The following PLXNA4 variants were observed in gnomAD, a reference collection of about 807,000 sequenced individuals.
The protein encoded by PLXNA4 is plexin A4, also known as plexin-A4.
In PLXNA4, 44 loss-of-function variants were observed where a neutral mutation model predicts 191.8. The ratio of observed to expected loss-of-function variants is 0.23; its 90% CI spans 0.18 to 0.29. The LOEUF is 0.29. Ranked by LOEUF, PLXNA4 falls within the 10% of genes least tolerant of loss-of-function variation. The probability of loss-of-function intolerance (pLI) is 1.00; values close to 1 mark genes in which losing one functional copy is unlikely to be tolerated. For synonymous variants in PLXNA4, 1,082 were observed against 1,009.5 expected, an observed-to-expected ratio of 1.07 and a Z score of -1.36; for missense variants, 1,800 against 2,488.8, an observed-to-expected ratio of 0.72 and a Z score of 5.89.
chr7:132,266,285 T>G (rs1187312914), intron 4 of PLXNA4: 1 of 152,230 alleles, frequency 6.6e-6, no homozygotes, highest in Non-Finnish European at 1.5e-5. Context: ...AAAGACTGTG[T>G]GCATTTGAAA....
intron 20 of PLXNA4, among the ~76,000 whole-genome samples, chr7:132,175,812 C>A (rs577872034): frequency 6.6e-6 from 1 of 152,244 alleles, no homozygotes. Context: ...CACACATATA[C>A]GTGCATGCAT....
Position 132,179,652 on chromosome 7 carries a change from A to C in PLXNA4, c.3874+35T>G, listed in dbSNP as rs753603804. 6 of 1,601,032 alleles carry C rather than the reference A, an allele frequency of 3.7e-6. No homozygotes were observed. The South Asian group carries it at 6.6e-5, about 18-fold the overall frequency. ...TGCACACACATATGCACACACGCAC[A>C]CACACATGGCCTCCAGCATGGGGCC... On this transcript the variant is annotated intron_variant, in intron 20 of 31. Coordinates refer to ENST00000321063, the MANE Select transcript of PLXNA4 (RefSeq NM_020911.2).
intron 25 of PLXNA4, 84 bp downstream of exon 25, chr7:132,159,389 C>T (rs1795883078): frequency 2.6e-6 from 4 of 1,567,530 alleles, no homozygotes; most frequent in South Asian, 1.2e-5. Context: ...ATCTCTACCC[C>T]AGCCCTGCCT....
chr7:132,226,363 G>T (rs73155298), intron 7 of PLXNA4, 103 bp from the exon 8 acceptor site: 39,545 of 972,362 alleles, frequency 0.041, 1,041 homozygotes, highest in African/African-American at 0.11. Flanking sequence ...CTCCCCAGGC[G>T]GCTGTTGGCT....
In PLXNA4 at chr7:132,302,260, T is replaced by C. The variant is rs115211247; in HGVS notation, c.1372-4038A>G. The stretch of plus-strand genomic sequence containing the variant: ...AAATGTGCAAATGATTCTAAACTCT[T>C]TGGGACAGCAAGAAGGCCAATAACA... On this transcript the variant is annotated intron_variant, in intron 3 of 31. Transcript: ENST00000321063. Among the ~76,000 whole-genome samples, 388 of 152,134 alleles carry C rather than the reference T, an allele frequency of 2.6e-3. 1 individual carries two copies. The highest frequency in any genetic ancestry group is 8.7e-3 in the African/African-American group (363 of 41,512).
At chr7:132,311,193 T>TGTGTGTGTGTGTGTGTGTGTGCGCGCGC (rs71178034) in intron 3 of PLXNA4, among the ~76,000 whole-genome samples, 2 of 89,828 alleles carry the variant, frequency 2.2e-5, no homozygotes, top group African/African-American at 7.7e-5. Flanking sequence ...TGTGTGTGTG[T>TGTGTGTGTGTGTGTGTGTGTGCGCGCGC]GCGCGTGTGG....
intron 3 of PLXNA4, among the ~76,000 whole-genome samples, chr7:132,486,314 G>A (rs943568299): frequency 6.6e-6 from 1 of 152,230 alleles, no homozygotes; most frequent in Non-Finnish European, 1.5e-5. Flanking sequence ...AAGCAAGTCA[G>A]AATTATTACA....
chr7:132,461,525 T>G (rs1796503440), intron 3 of PLXNA4, among the ~76,000 whole-genome samples: 1 of 152,246 alleles, frequency 6.6e-6, no homozygotes, highest in East Asian at 1.9e-4. Context: ...ATAGTGATAA[T>G]AAAAGCCTTT....
At chr7:132,331,037 G>A (rs905797883) in intron 3 of PLXNA4, among the ~76,000 whole-genome samples, 4 of 152,164 alleles carry the variant, frequency 2.6e-5, no homozygotes, top group Non-Finnish European at 5.9e-5. Context: ...AGTAGAGAGT[G>A]AGGGTGGGAT....
At chr7:132,377,027 G>A (rs929202456) in intron 3 of PLXNA4, among the ~76,000 whole-genome samples, 3 of 152,152 alleles carry the variant, frequency 2.0e-5, no homozygotes, top group African/African-American at 4.8e-5. Flanking sequence ...CCAGGCTCAC[G>A]AAATGTGTAA....
intron 1 of PLXNA4, among the ~76,000 whole-genome samples, chr7:132,557,856 G>A (rs1219706971): frequency 6.6e-6 from 1 of 152,118 alleles, no homozygotes. Flanking sequence ...GTTTCAGGAT[G>A]TGTAATGCCC....
intron 20 of PLXNA4, among the ~76,000 whole-genome samples, chr7:132,179,147 TCA>T (rs36103959): frequency 0.082 from 4,876 of 59,676 alleles, 464 homozygotes; most frequent in African/African-American, 0.27. Flanking sequence ...ACGTGCGTGC[TCA>T]CACACACACA....
chr7:132,582,546 G>T (rs755501161), intron 2 of PLXNA4, among the ~76,000 whole-genome samples: 3 of 152,292 alleles, frequency 2.0e-5, no homozygotes, highest in Non-Finnish European at 4.4e-5. Context: ...GGTCTCTTTA[G>T]TCCCTTGGAC....
At chr7:132,530,344 T>G (rs1223091008) in intron 1 of PLXNA4, among the ~76,000 whole-genome samples, 2 of 152,162 alleles carry the variant, frequency 1.3e-5, no homozygotes, top group African/African-American at 4.8e-5. Flanking sequence ...GACAACATAT[T>G]TGCAAATCAA....
rs139523758 is a variant in PLXNA4 at position 132,335,608 on chromosome 7, T to A, written c.1372-37386A>T. On this transcript the variant is annotated intron_variant, in intron 3 of 31. Transcript: ENST00000321063. Reference sequence around the variant, plus strand: ...CATCCTATATTAAATTGATGCGTTCTGACATTATCCATGAAATGACGAGTT... The same window carrying A: ...CATCCTATATTAAATTGATGCGTTCAGACATTATCCATGAAATGACGAGTT... Among the ~76,000 whole-genome samples, 5 of 152,380 alleles carry A rather than the reference T, an allele frequency of 3.3e-5. No individual in the cohort carries two copies. In the East Asian group the frequency reaches 9.6e-4, roughly 29 times the overall value.
intron 3 of PLXNA4, among the ~76,000 whole-genome samples, chr7:132,362,989 A>T (rs1563057700): frequency 6.6e-6 from 1 of 152,088 alleles, no homozygotes; most frequent in African/African-American, 2.4e-5. Flanking sequence ...AAACTATTTT[A>T]TTTATTTATT....
At chr7:132,135,957 T>G (rs1487726691) in intron 30 of PLXNA4, among the ~76,000 whole-genome samples, 2 of 152,102 alleles carry the variant, frequency 1.3e-5, no homozygotes, top group African/African-American at 2.4e-5. Context: ...CTAAATCAGC[T>G]GAGCTGAATG....
intron 3 of PLXNA4, among the ~76,000 whole-genome samples, chr7:132,443,293 TG>T (rs1344140409): frequency 2.6e-5 from 4 of 152,156 alleles, no homozygotes; most frequent in Admixed American, 6.5e-5. Flanking sequence ...CCGTCCTCTG[TG>T]GGGGAACTTT....
chr7:132,605,304 G>C (rs1585400109), intron 2 of PLXNA4, among the ~76,000 whole-genome samples: 1 of 152,156 alleles, frequency 6.6e-6, no homozygotes, highest in Non-Finnish European at 1.5e-5. Context: ...TTTGGACTAG[G>C]CATTGCTTTT....
Sources: gnomAD v4.1 joint callset for allele counts (sites outside exome capture counted in the v4.1 genomes callset) on GRCh38, gnomAD v4.1.1 for gene constraint, MANE v1.5 for transcripts, NCBI Gene and HGNC (gene_info 2026-07-23, HGNC 2026-07-21) for gene names.